CDH13: variants seen among roughly 807,000 people sequenced by gnomAD.
CDH13 encodes cadherin 13.
Under a neutral mutation model 63.8 loss-of-function variants are expected in CDH13, and 24 were observed. The observed-to-expected ratio is 0.38, with a 90% CI of 0.27 to 0.53. The LOEUF (loss-of-function observed/expected upper bound fraction) is 0.53, where lower values mean the gene tolerates loss of function less well. CDH13 is among the 20% of genes least tolerant of loss of function. The probability of loss-of-function intolerance (pLI) is 0.85; values close to 1 mark genes in which losing one functional copy is unlikely to be tolerated. For synonymous variants in CDH13, 503 were observed against 355.3 expected (o/e 1.42, Z -4.67); for missense variants, 1,049 against 903.1 (o/e 1.16, Z -2.07).
intron 11 of CDH13, among the ~76,000 whole-genome samples, chr16:83,756,231 G>T (rs971326703): frequency 1.3e-5 from 2 of 152,170 alleles, no homozygotes; most frequent in Non-Finnish European, 2.9e-5. Flanking sequence ...AGGTGATACA[G>T]TAAGTATATA....
intron 1 of CDH13, among the ~76,000 whole-genome samples, chr16:82,804,061 C>G (rs1265767381): frequency 6.6e-6 from 1 of 152,102 alleles, no homozygotes; most frequent in Non-Finnish European, 1.5e-5. Flanking sequence ...AACCTTGTCT[C>G]TACTAAAAAT....
chr16:83,663,497 T>C lies in CDH13; in HGVS notation c.1102-7293T>C, dbSNP rs550936893. ...TCTCATTGGGAGACTCTCAAACACA[T>C]GTACGTTGTTTTCTTTCTACCTTGT... On this transcript the variant is annotated intron_variant, in intron 8 of 13. Coordinates refer to ENST00000567109, the MANE Select transcript of CDH13 (RefSeq NM_001257.5). 2.6e-5 allele frequency among the ~76,000 whole-genome samples: 4 copies of C among 152,348 alleles called. No homozygotes were observed. The South Asian group carries it at 6.2e-4, about 24-fold the overall frequency.
intron 5 of CDH13, among the ~76,000 whole-genome samples, chr16:83,285,272 C>A (rs2089280583): frequency 6.6e-6 from 1 of 152,070 alleles, no homozygotes; most frequent in Non-Finnish European, 1.5e-5. Context: ...TCATGGTTTC[C>A]TGAAGAGACC....
intron 5 of CDH13, among the ~76,000 whole-genome samples, chr16:83,243,869 C>T (rs1904720120): frequency 1.3e-5 from 2 of 152,112 alleles, no homozygotes; most frequent in Non-Finnish European, 2.9e-5. Flanking sequence ...ACACTTTATC[C>T]AGATGGCTTA....
At chr16:83,423,224 G>A (rs763692249) in intron 6 of CDH13, among the ~76,000 whole-genome samples, 1 of 152,126 alleles carries the variant, frequency 6.6e-6, no homozygotes, top group African/African-American at 2.4e-5. Context: ...GTCCTCAGTA[G>A]CCTCTAAAGT....
intron 6 of CDH13, among the ~76,000 whole-genome samples, chr16:83,378,313 C>G (rs947986499): frequency 6.6e-6 from 1 of 152,174 alleles, no homozygotes; most frequent in Non-Finnish European, 1.5e-5. Flanking sequence ...TTACACCTGA[C>G]CTTTCTAGCT....
chr16:82,842,257 A>T (rs1019653884), intron 1 of CDH13, among the ~76,000 whole-genome samples: 1 of 150,868 alleles, frequency 6.6e-6, no homozygotes, highest in Non-Finnish European at 1.5e-5. Flanking sequence ...TATCAAAGAC[A>T]AGGAATTTTT....
chr16:82,840,127 T>A (rs2038943692), intron 1 of CDH13, among the ~76,000 whole-genome samples: 1 of 152,090 alleles, frequency 6.6e-6, no homozygotes, highest in South Asian at 2.1e-4. Flanking sequence ...TTCCCCACAA[T>A]GAAAGTTAAC....
At chr16:83,785,809 G>T (rs1261635411) in intron 13 of CDH13, among the ~76,000 whole-genome samples, 1 of 152,146 alleles carries the variant, frequency 6.6e-6, no homozygotes, top group Non-Finnish European at 1.5e-5. Flanking sequence ...TTAGACATTT[G>T]TCCATTTTAA....
intron 3 of CDH13, among the ~76,000 whole-genome samples, chr16:83,103,029 T>C (rs748743678): frequency 3.6e-5 from 5 of 138,708 alleles, no homozygotes; most frequent in Non-Finnish European, 6.1e-5. Flanking sequence ...CTCAGCTCAC[T>C]GCAGCCTCTG....
At chr16:83,581,618 G>A (rs1426060151) in intron 7 of CDH13, among the ~76,000 whole-genome samples, 1 of 152,112 alleles carries the variant, frequency 6.6e-6, no homozygotes, top group African/African-American at 2.4e-5. Flanking sequence ...ACGAGTTTGA[G>A]ACCAGCCTAG....
chr16:83,456,402 T>C (rs2073026343), intron 6 of CDH13, among the ~76,000 whole-genome samples: 1 of 151,916 alleles, frequency 6.6e-6, no homozygotes, highest in South Asian at 2.1e-4. Context: ...TTTGGAAAAA[T>C]CCAAACTGGT....
At chr16:82,711,760 C>G (rs1014328454) in intron 1 of CDH13, among the ~76,000 whole-genome samples, 2 of 152,188 alleles carry the variant, frequency 1.3e-5, no homozygotes, top group Non-Finnish European at 2.9e-5. Flanking sequence ...TTCAGACACT[C>G]AGGAAATACC....
rs144529215 is a variant in CDH13 at position 83,129,397 on chromosome 16, A to G, written c.483+3896A>G. ...GACCGCAAGACAAGAATTCAAATGA[A>G]GGCAGTTCATTTCAGAGGTGGAGGA... On this transcript the variant is annotated intron_variant, in intron 4 of 13. Transcript: ENST00000567109. 6.6e-5 allele frequency among the ~76,000 whole-genome samples: 10 copies of G among 152,358 alleles called. No individual in the cohort carries two copies. In the East Asian group the frequency reaches 1.2e-3, roughly 18 times the overall value.
At chr16:82,862,990 CA>C (rs1393523358) in intron 2 of CDH13, among the ~76,000 whole-genome samples, 1 of 152,152 alleles carries the variant, frequency 6.6e-6, no homozygotes, top group African/African-American at 2.4e-5. Flanking sequence ...ACCTCAGCCC[CA>C]AAGTGGCATG....
intron 3 of CDH13, among the ~76,000 whole-genome samples, chr16:83,102,687 C>T (rs74033150): frequency 2.6e-5 from 4 of 152,098 alleles, no homozygotes; most frequent in African/African-American, 9.6e-5. Context: ...GAGGTATAGT[C>T]AGGAGATGTG....
chr16:83,730,907 A>G (rs904299980), intron 10 of CDH13, among the ~76,000 whole-genome samples: 13 of 152,308 alleles, frequency 8.5e-5, no homozygotes, highest in African/African-American at 2.6e-4. Flanking sequence ...AACTGAGAAC[A>G]TGCAGTATTT....
intron 10 of CDH13, among the ~76,000 whole-genome samples, chr16:83,720,482 G>T (rs193169759): frequency 1.8e-4 from 28 of 152,078 alleles, no homozygotes; most frequent in African/African-American, 6.5e-4. Flanking sequence ...AATGGCTCAC[G>T]TTCATAATCC....
chr16:82,702,189 T>G (rs1320057396), intron 1 of CDH13, among the ~76,000 whole-genome samples: 2 of 152,176 alleles, frequency 1.3e-5, no homozygotes, highest in East Asian at 3.9e-4. Context: ...TGAAACACCC[T>G]CTGTGGCTGT....
Sources: allele counts gnomAD v4.1 joint callset (sites outside exome capture counted in the v4.1 genomes callset), GRCh38; gene constraint gnomAD v4.1.1; transcripts MANE v1.5; gene names NCBI Gene and HGNC (gene_info 2026-07-23, HGNC 2026-07-21).